Variants in PPARGC1A observed in about 807,000 individuals in gnomAD.
PPARGC1A encodes PPARG coactivator 1 alpha, also known as peroxisome proliferator-activated receptor gamma coactivator 1-alpha.
PPARGC1A carries 25 observed loss-of-function variants against 88.7 expected under a neutral mutation model. The ratio of observed to expected loss-of-function variants is 0.28; its 90% CI spans 0.21 to 0.39. PPARGC1A has a LOEUF of 0.39. Ranked by LOEUF, PPARGC1A falls within the 10% of genes least tolerant of loss-of-function variation. PPARGC1A has a pLI of 1.00. For synonymous variants in PPARGC1A, 363 were observed against 355.6 expected (o/e 1.02, Z -0.24); for missense variants, 880 against 968.7 (o/e 0.91, Z 1.22).
the PPARGC1A span, among the ~76,000 whole-genome samples, chr4:24,240,549 C>T: frequency 2.5e-4 from 38 of 152,232 alleles, 1 homozygote; most frequent in African/African-American, 8.9e-4. Context: ...CAAAAATTCA[C>T]GCTGTTAATT....
the PPARGC1A span, among the ~76,000 whole-genome samples, chr4:24,008,903 T>C: frequency 5.3e-5 from 8 of 152,090 alleles, no homozygotes; most frequent in Admixed American, 2.6e-4. Flanking sequence ...GTAACCTTTC[T>C]CAGCAAAGAT....
At chr4:23,920,124 T>C in the PPARGC1A span, among the ~76,000 whole-genome samples, 1 of 152,200 alleles carries the variant, frequency 6.6e-6, no homozygotes, top group East Asian at 1.9e-4. Context: ...AAGAGAGGTA[T>C]GCATAAAGAA....
the PPARGC1A span, among the ~76,000 whole-genome samples, chr4:24,183,093 G>A: frequency 1.1e-4 from 17 of 152,240 alleles, no homozygotes; most frequent in East Asian, 3.1e-3. Flanking sequence ...GATGTAATGA[G>A]GACCAGATGG....
At chr4:23,830,627 A>C (rs1179286096) in intron 3 of PPARGC1A, among the ~76,000 whole-genome samples, 1 of 152,210 alleles carries the variant, frequency 6.6e-6, no homozygotes, top group African/African-American at 2.4e-5. Flanking sequence ...ACATTCAAAA[A>C]CTTAGTGATA....
rs1019616491 is a variant in PPARGC1A at position 23,845,864 on chromosome 4, T to C, written c.235-14113A>G. On this transcript the variant is annotated intron_variant, in intron 2 of 12. Coordinates refer to ENST00000264867, the MANE Select transcript of PPARGC1A (RefSeq NM_013261.5). ...TTGCAATCTCCTAGGATTTAGATAC[T>C]GAGCTTCTTTTAATGCCAGACTGAG... is the stretch of plus-strand genomic sequence containing the variant. 1.5e-4 allele frequency among the ~76,000 whole-genome samples: 23 copies of C among 152,236 alleles called. No individual in the cohort carries two copies. In the South Asian group the frequency reaches 2.5e-3, roughly 16 times the overall value.
At chr4:24,453,105 G>A in the PPARGC1A span, among the ~76,000 whole-genome samples, 3 of 152,188 alleles carry the variant, frequency 2.0e-5, no homozygotes, top group Non-Finnish European at 4.4e-5. Context: ...AGGCACAGAA[G>A]GAAGACCATG....
the PPARGC1A span, among the ~76,000 whole-genome samples, chr4:24,108,020 A>G: frequency 6.6e-6 from 1 of 152,208 alleles, no homozygotes; most frequent in Admixed American, 6.5e-5. Flanking sequence ...ACTGTCCTCT[A>G]CTTCAAATTT....
chr4:24,289,843 T>A, the PPARGC1A span, among the ~76,000 whole-genome samples: 2 of 152,302 alleles, frequency 1.3e-5, no homozygotes, highest in Non-Finnish European at 2.9e-5. Flanking sequence ...TCTGTATTAG[T>A]CTGTTCTCAC....
At chr4:24,443,361 G>A in the PPARGC1A span, among the ~76,000 whole-genome samples, 1 of 151,770 alleles carries the variant, frequency 6.6e-6, no homozygotes, top group Non-Finnish European at 1.5e-5. Flanking sequence ...AGCAGAATGA[G>A]AGATGACGTC....
At chr4:24,058,258 A>G in the PPARGC1A span, among the ~76,000 whole-genome samples, 4 of 152,220 alleles carry the variant, frequency 2.6e-5, no homozygotes, top group Non-Finnish European at 5.9e-5. Flanking sequence ...GCTAATCACA[A>G]TAATAAACCT....
intron 2 of PPARGC1A, among the ~76,000 whole-genome samples, chr4:23,848,521 G>A (rs1416546456): frequency 2.0e-5 from 3 of 152,164 alleles, no homozygotes; most frequent in Non-Finnish European, 4.4e-5. Context: ...TGAAAGATCT[G>A]ATGCTATCAG....
the PPARGC1A span, among the ~76,000 whole-genome samples, chr4:24,296,117 C>T: frequency 6.7e-6 from 1 of 149,546 alleles, no homozygotes; most frequent in African/African-American, 2.5e-5. Context: ...TACATATATA[C>T]ATATATACAC....
the PPARGC1A span, among the ~76,000 whole-genome samples, chr4:24,296,517 G>A: frequency 0.25 from 37,437 of 151,918 alleles, 5,239 homozygotes; most frequent in South Asian, 0.33. Flanking sequence ...ATCTATGTCA[G>A]TTAGTTTGGC....
chr4:23,923,786 A>G, the PPARGC1A span, among the ~76,000 whole-genome samples: 1 of 152,200 alleles, frequency 6.6e-6, no homozygotes, highest in African/African-American at 2.4e-5. Flanking sequence ...TATTTCCCCA[A>G]AAGTTAACTT....
the PPARGC1A span, among the ~76,000 whole-genome samples, chr4:24,426,240 A>G: frequency 6.6e-6 from 1 of 152,218 alleles, no homozygotes; most frequent in Non-Finnish European, 1.5e-5. Context: ...CTGAGACATA[A>G]TAACTAATTA....
chr4:24,282,953 C>T, the PPARGC1A span, among the ~76,000 whole-genome samples: 4 of 152,242 alleles, frequency 2.6e-5, no homozygotes, highest in East Asian at 3.9e-4. Context: ...GGGACCTAAC[C>T]GTAGGTGATT....
chr4:24,260,840 T>C, the PPARGC1A span, among the ~76,000 whole-genome samples: 21 of 152,326 alleles, frequency 1.4e-4, no homozygotes, highest in South Asian at 3.9e-3. Context: ...TGACAAAATG[T>C]TAAAATGTCA....
chr4:24,384,299 T>C, the PPARGC1A span, among the ~76,000 whole-genome samples: 535 of 152,228 alleles, frequency 3.5e-3, no homozygotes, highest in Non-Finnish European at 5.0e-3. Context: ...GTAAAGACCA[T>C]TGATGCTAGG....
At chr4:24,390,856 C>T in the PPARGC1A span, among the ~76,000 whole-genome samples, 403 of 152,054 alleles carry the variant, frequency 2.7e-3, 3 homozygotes, top group Middle Eastern at 0.014. Context: ...TCATGACCCC[C>T]TGATAACACC....
Sources: allele counts gnomAD v4.1 joint callset (sites outside exome capture counted in the v4.1 genomes callset), GRCh38; gene constraint gnomAD v4.1.1; transcripts MANE v1.5; gene names NCBI Gene and HGNC (gene_info 2026-07-23, HGNC 2026-07-21).